The following PCDHGA3 variants were observed in gnomAD, a reference collection of about 807,000 sequenced individuals.
The protein encoded by PCDHGA3 is protocadherin gamma-A3.
In PCDHGA3, 40 loss-of-function variants were observed where a neutral mutation model predicts 58.5. The observed-to-expected ratio is 0.68, with a 90% CI of 0.53 to 0.89. The LOEUF is 0.89. PCDHGA3 is among the 40% of genes least tolerant of loss of function. The pLI is 0.00. For missense variants in PCDHGA3, 1,223 were observed against 1,195.9 expected, an observed-to-expected ratio of 1.02 and a Z score of -0.33; for synonymous variants, 530 against 525.7, an observed-to-expected ratio of 1.01 and a Z score of -0.11.
chr5:141,435,686 T>C (rs2097774326), intron 1 of PCDHGA3, among the ~76,000 whole-genome samples: 1 of 152,340 alleles, frequency 6.6e-6, no homozygotes, highest in Non-Finnish European at 1.5e-5. Flanking sequence ...GAGAACTTTA[T>C]GCTTATTGTA....
intron 1 of PCDHGA3, among the ~76,000 whole-genome samples, chr5:141,369,558 C>A (rs1389001825): frequency 6.6e-6 from 1 of 152,088 alleles, no homozygotes; most frequent in Non-Finnish European, 1.5e-5. Flanking sequence ...CACTTGGAAA[C>A]AAAGGAAAAG....
chr5:141,432,178 T>C lies in PCDHGA3; in HGVS notation c.2425-62629T>C. Reference sequence around the variant, plus strand: ...ATCCCAGAGGAGTTTCCCTCGTCTCTGTGACCGCCCACGACCCCGACTGTG... The same window carrying C: ...ATCCCAGAGGAGTTTCCCTCGTCTCCGTGACCGCCCACGACCCCGACTGTG... On this transcript the variant is annotated intron_variant, in intron 1 of 3. Transcript: ENST00000253812. The surrounding 1 kb of genome is among the most constrained non-coding windows in gnomAD (Gnocchi z 6.0). 6.2e-7 allele frequency: 1 copy of C among 1,614,184 alleles called. No individual in the cohort carries two copies. The highest frequency in any genetic ancestry group is 8.5e-7 in the Non-Finnish European group (1 of 1,180,036).
chr5:141,430,216 A>G (rs1487666733), intron 1 of PCDHGA3, among the ~76,000 whole-genome samples: 1 of 150,536 alleles, frequency 6.6e-6, no homozygotes, highest in Non-Finnish European at 1.5e-5. Flanking sequence ...TTATTATATT[A>G]TATGATTTGT....
intron 1 of PCDHGA3, among the ~76,000 whole-genome samples, chr5:141,488,225 T>G (rs2099673126): frequency 6.6e-6 from 1 of 152,136 alleles, no homozygotes. Flanking sequence ...CTACTGGGGA[T>G]TTGAACTAGA....
Position 141,433,020 on chromosome 5 carries a change from C to T in PCDHGA3, c.2425-61787C>T, listed in dbSNP as rs761127608. 1.1e-5 allele frequency: 17 copies of T among 1,614,152 alleles called. No individual in the cohort carries two copies. The South Asian group carries it at 1.9e-4, about 18-fold the overall frequency. On this transcript the variant is annotated intron_variant, in intron 1 of 3. Coordinates refer to ENST00000253812, the MANE Select transcript of PCDHGA3 (RefSeq NM_018916.4). ...GTGCAGGCTTTCCTGCAGACCTATTCCCACGAGGTTTCCCTCACCACGGAC... is the reference window on the plus strand; with the variant it reads ...GTGCAGGCTTTCCTGCAGACCTATTTCCACGAGGTTTCCCTCACCACGGAC...
intron 2 of PCDHGA3, among the ~76,000 whole-genome samples, chr5:141,503,269 C>T (rs1161751693): frequency 6.6e-6 from 1 of 152,116 alleles, no homozygotes; most frequent in Non-Finnish European, 1.5e-5. Flanking sequence ...ACCCCAGCAC[C>T]TGGCTCTGTG....
At chr5:141,495,013 T>C (rs2099758300) in intron 2 of PCDHGA3, 148 bp downstream of exon 2, 12 of 1,511,014 alleles carry the variant, frequency 7.9e-6, no homozygotes, top group Non-Finnish European at 1.1e-5. Context: ...TGCGGGGGGC[T>C]GGCACACAGA....
At chr5:141,393,528 G>A in intron 1 of PCDHGA3, 7 of 1,613,988 alleles carry the variant, frequency 4.3e-6, no homozygotes, top group East Asian at 4.5e-5. Context: ...AAATGACAAT[G>A]CCCCGGTTTT....
rs2099383865 is a variant in PCDHGA3, at chr5:141,476,005, A to G, written c.2425-18802A>G. 1 of 1,267,576 alleles carries G rather than the reference A, an allele frequency of 7.9e-7. No homozygotes were observed. Among genetic ancestry groups the G allele is most frequent in the East Asian group, 2.3e-5 (1 of 42,864 alleles). 78.5% of individuals were successfully genotyped at this position (1,267,576 alleles called of 1,614,324 possible). A position where few individuals can be genotyped will look rare whatever the true frequency, so the allele number is the denominator to read the frequency against. ...CGGCGAGCAAATCAACGGCATCCAG[A>G]AAGCCATGTCGGACTCGGCGCCCAG... On this transcript the variant is annotated intron_variant, in intron 1 of 3. Coordinates refer to ENST00000253812, the MANE Select transcript of PCDHGA3 (RefSeq NM_018916.4). This position sits in a 1 kb window ranked among gnomAD's most constrained non-coding sequence, Gnocchi z 7.6.
chr5:141,400,923 T>C (rs1453975530), intron 1 of PCDHGA3, among the ~76,000 whole-genome samples: 1 of 152,260 alleles, frequency 6.6e-6, no homozygotes, highest in Admixed American at 6.5e-5. Flanking sequence ...AAGAAACTGC[T>C]AGTAGATGTC....
chr5:141,380,851 A>G (rs1341551183), intron 1 of PCDHGA3, among the ~76,000 whole-genome samples: 1 of 152,282 alleles, frequency 6.6e-6, no homozygotes, highest in Admixed American at 6.5e-5. Flanking sequence ...ATGGATCAAG[A>G]CATTGAGAGC....
intron 1 of PCDHGA3, among the ~76,000 whole-genome samples, chr5:141,462,877 T>G (rs1387501705): frequency 1.3e-5 from 2 of 152,240 alleles, no homozygotes; most frequent in African/African-American, 4.8e-5. Flanking sequence ...CTTTAAGAAC[T>G]ATTGCAGTTT....
intron 2 of PCDHGA3, among the ~76,000 whole-genome samples, chr5:141,501,700 C>T (rs936448354): frequency 6.6e-6 from 1 of 151,950 alleles, no homozygotes; most frequent in African/African-American, 2.4e-5. Flanking sequence ...AGGGTGATTC[C>T]GAGGATAAAA....
intron 1 of PCDHGA3, among the ~76,000 whole-genome samples, chr5:141,349,076 A>G (rs1588475545): frequency 6.6e-6 from 1 of 152,036 alleles, no homozygotes; most frequent in East Asian, 1.9e-4. Context: ...TTGGCATTAT[A>G]GAGAATGTTT....
rs527514615 is a variant in PCDHGA3 at position 141,485,941 on chromosome 5, A to G, written c.2425-8866A>G. ...GGATTAGTGTGTTGGAGAGCGCACC[A>G]GCGGGCATGGTGCTCATCCAGCTCA... is the stretch of plus-strand genomic sequence containing the variant. On this transcript the variant is annotated intron_variant, in intron 1 of 3. Coordinates refer to ENST00000253812, the MANE Select transcript of PCDHGA3 (RefSeq NM_018916.4). This position sits in a 1 kb window ranked among gnomAD's most constrained non-coding sequence, Gnocchi z 5.7. The G allele has an allele frequency of 2.5e-6, 4 of 1,614,180 alleles. No homozygotes were observed. The highest frequency in any genetic ancestry group is 2.7e-5 in the African/African-American group (2 of 75,032).
In PCDHGA3 at chr5:141,491,424, G is replaced by A. The variant is rs745755214; in HGVS notation, c.2425-3383G>A. The A allele has an allele frequency of 6.2e-7, 1 of 1,614,092 alleles. No individual in the cohort carries two copies. Among genetic ancestry groups the A allele is most frequent in the Non-Finnish European group, 8.5e-7 (1 of 1,180,028 alleles). ...ACGCAGACGGGGACGGGGGTGGAGG[G>A]CAGTGCTGCAGGCGCCAGGACTCAC... On this transcript the variant is annotated intron_variant, in intron 1 of 3. Coordinates refer to ENST00000253812, the MANE Select transcript of PCDHGA3 (RefSeq NM_018916.4). The surrounding 1 kb of genome is among the most constrained non-coding windows in gnomAD (Gnocchi z 6.9).
Position 141,491,742 on chromosome 5 carries a change from C to CA in PCDHGA3, c.2425-3064dup. The CA allele has an allele frequency of 3.1e-6, 5 of 1,596,114 alleles. No individual in the cohort carries two copies. Among genetic ancestry groups the CA allele is most frequent in the Non-Finnish European group, 4.3e-6 (5 of 1,172,424 alleles). ...CGCCCCGGGCGACCCCTGGGGGCGG[C>CA]ACTGGAGAAGCCGCCCGTCCTCATA... On this transcript the variant is annotated intron_variant, in intron 1 of 3. Coordinates refer to ENST00000253812, the MANE Select transcript of PCDHGA3 (RefSeq NM_018916.4). This position sits in a 1 kb window ranked among gnomAD's most constrained non-coding sequence, Gnocchi z 6.9.
At chr5:141,421,854 C>T (rs1402137870) in intron 1 of PCDHGA3, 9 of 1,613,644 alleles carry the variant, frequency 5.6e-6, no homozygotes. Flanking sequence ...AGGCTGCTCA[C>T]CTGCTCCTCC....
In PCDHGA3 at chr5:141,511,259, A is replaced by G; in HGVS notation, c.*86A>G. On this transcript the variant is annotated 3_prime_UTR_variant, in exon 4 of 4. Transcript: ENST00000253812. ...ACCTGCACCCAGGCCTCAGAGTTTCAGGGCTAACCCCCAGAATACTGGTAG... is the reference window on the plus strand; with the variant it reads ...ACCTGCACCCAGGCCTCAGAGTTTCGGGGCTAACCCCCAGAATACTGGTAG... 1.3e-6 allele frequency: 2 copies of G among 1,559,840 alleles called. No individual in the cohort carries two copies. The highest frequency in any genetic ancestry group is 1.7e-6 in the Non-Finnish European group (2 of 1,152,466).
Sources: allele counts gnomAD v4.1 joint callset (sites outside exome capture counted in the v4.1 genomes callset), GRCh38; gene constraint gnomAD v4.1.1; non-coding constraint Gnocchi (gnomAD v3.1); transcripts MANE v1.5; gene names NCBI Gene and HGNC (gene_info 2026-07-23, HGNC 2026-07-21).